The following CNTNAP2 variants were observed in gnomAD, a reference collection of about 807,000 sequenced individuals.
The protein encoded by CNTNAP2 is contactin-associated protein-like 2.
In CNTNAP2, 98 loss-of-function variants were observed where a neutral mutation model predicts 155.2. The ratio of observed to expected loss-of-function variants is 0.63; its 90% CI spans 0.54 to 0.75. The LOEUF (loss-of-function observed/expected upper bound fraction) is 0.75. CNTNAP2 is among the 30% of genes least tolerant of loss of function. The pLI, the probability that CNTNAP2 is intolerant of heterozygous loss-of-function variation, is 0.00. For missense variants in CNTNAP2, 1,727 were observed against 1,688.1 expected, an observed-to-expected ratio of 1.02 and a Z score of -0.40; for synonymous variants, 651 against 631.2, an observed-to-expected ratio of 1.03 and a Z score of -0.47.
At chr7:148,383,039 T>C (rs1799102492) in intron 21 of CNTNAP2, among the ~76,000 whole-genome samples, 1 of 152,190 alleles carries the variant, frequency 6.6e-6, no homozygotes, top group South Asian at 2.1e-4. Flanking sequence ...AAGGCATGTG[T>C]TGTTTGTGAT....
In CNTNAP2 at chr7:146,729,820, G is replaced by T. The variant is rs1585063160; in HGVS notation, c.98-44451G>T. 2.0e-5 allele frequency among the ~76,000 whole-genome samples: 3 copies of T among 152,096 alleles called. No individual in the cohort carries two copies. In the East Asian group the frequency reaches 5.8e-4, roughly 29 times the overall value. Reference sequence around the variant, plus strand: ...TTTCACCTTGAAAATAACAAAAAATGGACAGCTTCTTGTAAATCTAATCAA... The same window carrying T: ...TTTCACCTTGAAAATAACAAAAAATTGACAGCTTCTTGTAAATCTAATCAA... On this transcript the variant is annotated intron_variant, in intron 1 of 23. Transcript: ENST00000361727.
intron 18 of CNTNAP2, among the ~76,000 whole-genome samples, chr7:148,203,779 T>G (rs920556226): frequency 1.3e-5 from 2 of 151,888 alleles, no homozygotes; most frequent in Non-Finnish European, 2.9e-5. Flanking sequence ...AAAAAAGAAT[T>G]TCTAAGTCTG....
At chr7:147,572,436 C>T (rs1204768326) in intron 12 of CNTNAP2, among the ~76,000 whole-genome samples, 1 of 152,132 alleles carries the variant, frequency 6.6e-6, no homozygotes, top group Non-Finnish European at 1.5e-5. Flanking sequence ...TCACTCAGCC[C>T]TTCTGAGGTT....
At chr7:146,445,968 A>T (rs760882533) in intron 1 of CNTNAP2, among the ~76,000 whole-genome samples, 4 of 152,268 alleles carry the variant, frequency 2.6e-5, no homozygotes, top group African/African-American at 7.2e-5. Context: ...AGGTGATGGG[A>T]TTAATCTTGG....
intron 1 of CNTNAP2, among the ~76,000 whole-genome samples, chr7:146,686,931 T>G (rs370109627): frequency 4.7e-4 from 72 of 152,306 alleles, no homozygotes; most frequent in African/African-American, 1.7e-3. Context: ...CTGGAGCCAA[T>G]GCTATACTGC....
intron 11 of CNTNAP2, among the ~76,000 whole-genome samples, chr7:147,494,431 A>G (rs190866953): frequency 6.8e-4 from 93 of 136,550 alleles, no homozygotes; most frequent in Middle Eastern, 9.1e-3. Context: ...GACTCTTTCA[A>G]TAGTTTCAAA....
At position 147,336,360 on chromosome 7, in the gene CNTNAP2, A is replaced by G. The variant is rs1389634691; in HGVS notation, c.1498+36070A>G. Among the ~76,000 whole-genome samples, 4 of 152,106 alleles carry G rather than the reference A, an allele frequency of 2.6e-5. 1 individual carries two copies. The East Asian group carries it at 7.7e-4, about 29-fold the overall frequency. On this transcript the variant is annotated intron_variant, in intron 9 of 23. Transcript: ENST00000361727. The stretch of plus-strand genomic sequence containing the variant: ...TATTTGTAGCTTACGTGGAAGCAGC[A>G]CCATGCTCAGCACAAGAAAAGCCTT...
intron 18 of CNTNAP2, among the ~76,000 whole-genome samples, chr7:148,178,098 T>C (rs765493211): frequency 2.6e-5 from 4 of 152,190 alleles, no homozygotes; most frequent in South Asian, 2.1e-4. Context: ...TACATGTGAA[T>C]TGGATATCAC....
At chr7:147,865,123 G>A (rs1471176935) in intron 13 of CNTNAP2, among the ~76,000 whole-genome samples, 1 of 152,172 alleles carries the variant, frequency 6.6e-6, no homozygotes, top group African/African-American at 2.4e-5. Flanking sequence ...CTTATTGGGA[G>A]TTTTTAGCAG....
chr7:148,283,306 AGG>A (rs1491271055), intron 21 of CNTNAP2, among the ~76,000 whole-genome samples: 1 of 59,500 alleles, frequency 1.7e-5, no homozygotes, highest in African/African-American at 8.4e-5. Flanking sequence ...AAAGAAAGAA[AGG>A]AAGGAAGGAA....
At chr7:147,802,014 C>T (rs1259652508) in intron 13 of CNTNAP2, among the ~76,000 whole-genome samples, 1 of 150,756 alleles carries the variant, frequency 6.6e-6, no homozygotes, top group Non-Finnish European at 1.5e-5. Context: ...TCCTCACTTC[C>T]CGGACAGGGT....
rs542572953 is a variant in CNTNAP2 at position 146,804,810 on chromosome 7, G to A, written c.208+30429G>A. On this transcript the variant is annotated intron_variant, in intron 2 of 23. Transcript: ENST00000361727. ...CTGTGTAGCGTGAAAGTCACACAAA[G>A]CCCCAGTCTCAATGATGTATTCCTC... Among the ~76,000 whole-genome samples the A allele has an allele frequency of 1.2e-4, 19 of 152,224 alleles. No homozygotes were observed. The East Asian group carries it at 3.5e-3, about 28-fold the overall frequency.
intron 1 of CNTNAP2, among the ~76,000 whole-genome samples, chr7:146,119,296 G>A (rs1041329556): frequency 6.6e-6 from 1 of 151,888 alleles, no homozygotes; most frequent in African/African-American, 2.4e-5. Flanking sequence ...TTAATATGAG[G>A]GACAGAAGAT....
intron 10 of CNTNAP2, among the ~76,000 whole-genome samples, chr7:147,407,962 T>C (rs1297644838): frequency 6.6e-6 from 1 of 152,222 alleles, no homozygotes; most frequent in Non-Finnish European, 1.5e-5. Context: ...CAAGAGATCA[T>C]TTAAACTACA....
At chr7:148,221,107 C>T (rs1795741428) in intron 19 of CNTNAP2, among the ~76,000 whole-genome samples, 1 of 152,148 alleles carries the variant, frequency 6.6e-6, no homozygotes, top group Admixed American at 6.6e-5. Flanking sequence ...GCTGTGCCTT[C>T]ATCACCTGCC....
chr7:147,374,467 C>T (rs1275820974), intron 9 of CNTNAP2, among the ~76,000 whole-genome samples: 1 of 152,022 alleles, frequency 6.6e-6, no homozygotes, highest in Non-Finnish European at 1.5e-5. Flanking sequence ...TGTTTTAGTT[C>T]ATTTTTAATA....
Position 148,351,773 on chromosome 7 carries a change from C to T in CNTNAP2, c.3476-31876C>T, listed in dbSNP as rs75728563. ...AAAAAAAAAAAAATAGAAACCGAGA[C>T]TCACAGGGGTTTAAGCAAGATGGAT... On this transcript the variant is annotated intron_variant, in intron 21 of 23. Coordinates refer to ENST00000361727, the MANE Select transcript of CNTNAP2 (RefSeq NM_014141.6). Among the ~76,000 whole-genome samples the T allele has an allele frequency of 4.9e-3, 574 of 116,640 alleles. 5 individuals are homozygous for T. Among genetic ancestry groups the T allele is most frequent in the African/African-American group, 0.017 (540 of 30,890 alleles). 76.5% of individuals were successfully genotyped at this position (116,640 alleles called of 152,430 possible). A position where few individuals can be genotyped will look rare whatever the true frequency, so the allele number is the denominator to read the frequency against.
At chr7:147,110,294 A>G (rs1293723717) in intron 5 of CNTNAP2, among the ~76,000 whole-genome samples, 1 of 152,190 alleles carries the variant, frequency 6.6e-6, no homozygotes, top group Non-Finnish European at 1.5e-5. Context: ...ACTTAAAGCT[A>G]AAGTGAAGAT....
At chr7:146,277,885 C>T (rs1800188834) in intron 1 of CNTNAP2, among the ~76,000 whole-genome samples, 2 of 151,908 alleles carry the variant, frequency 1.3e-5, no homozygotes, top group Admixed American at 1.3e-4. Flanking sequence ...TACTTTTCAA[C>T]TGACTAATAA....
Sources: gnomAD v4.1 joint callset for allele counts (sites outside exome capture counted in the v4.1 genomes callset) on GRCh38, gnomAD v4.1.1 for gene constraint, MANE v1.5 for transcripts, NCBI Gene and HGNC (gene_info 2026-07-23, HGNC 2026-07-21) for gene names.